The following CABLES1 variants were observed in gnomAD, a reference collection of about 807,000 sequenced individuals.
CABLES1 encodes Cdk5 and Abl enzyme substrate 1.
In CABLES1, 36 loss-of-function variants were observed where a neutral mutation model predicts 57.8. The ratio of observed to expected loss-of-function variants is 0.62; its 90% CI spans 0.48 to 0.82. CABLES1 has a LOEUF of 0.82. CABLES1 is among the 40% of genes least tolerant of loss of function. CABLES1 has a pLI of 0.00. For missense variants in CABLES1, 767 were observed against 836.6 expected (o/e 0.92, Z 1.03); for synonymous variants, 374 against 363.0 (o/e 1.03, Z -0.35).
intron 3 of CABLES1, among the ~76,000 whole-genome samples, chr18:23,203,019 G>A (rs1041494589): frequency 7.2e-5 from 11 of 151,878 alleles, no homozygotes; most frequent in Non-Finnish European, 1.6e-4. Context: ...ACACTCAGTG[G>A]CTTTTGTGAC....
chr18:23,212,030 G>A (rs1281076307), intron 3 of CABLES1, among the ~76,000 whole-genome samples: 1 of 152,246 alleles, frequency 6.6e-6, no homozygotes, highest in Non-Finnish European at 1.5e-5. Flanking sequence ...CTGATGAGCA[G>A]CATCTCCCTT....
chr18:23,161,095 G>GTGCTT, intron 1 of CABLES1, among the ~76,000 whole-genome samples: 1 of 152,062 alleles, frequency 6.6e-6, no homozygotes, highest in Non-Finnish European at 1.5e-5. Context: ...TGTAATCCCA[G>GTGCTT]TGCTTTGGGA....
chr18:23,241,668 T>A (rs1348213518), intron 7 of CABLES1, among the ~76,000 whole-genome samples: 1 of 152,212 alleles, frequency 6.6e-6, no homozygotes, highest in Non-Finnish European at 1.5e-5. Flanking sequence ...CTTTTTAATT[T>A]CTCTTGGGGT....
At position 23,183,674 on chromosome 18, in the gene CABLES1, C is replaced by T. The variant is rs149700259; in HGVS notation, c.846-5164C>T. Reference sequence around the variant, plus strand: ...TCTGATGATGTCAGTGCATATTACTCTTGCTTTGAACCCTGCCAGTCTCTT... The same window carrying T: ...TCTGATGATGTCAGTGCATATTACTTTTGCTTTGAACCCTGCCAGTCTCTT... On this transcript the variant is annotated intron_variant, in intron 1 of 9. Transcript: ENST00000256925. Among the ~76,000 whole-genome samples the T allele has an allele frequency of 2.6e-5, 4 of 152,312 alleles. No individual in the cohort carries two copies. The East Asian group carries it at 5.8e-4, about 22-fold the overall frequency.
At chr18:23,237,713 T>TA (rs1412293060) in intron 7 of CABLES1, among the ~76,000 whole-genome samples, 2 of 152,262 alleles carry the variant, frequency 1.3e-5, no homozygotes, top group African/African-American at 2.4e-5. Flanking sequence ...CTGTGGGTGT[T>TA]ACATGCAAAA....
intron 3 of CABLES1, among the ~76,000 whole-genome samples, chr18:23,200,796 G>A (rs1014100505): frequency 6.6e-6 from 1 of 152,184 alleles, no homozygotes; most frequent in Non-Finnish European, 1.5e-5. Context: ...CCTCACTATC[G>A]CATGTCCCTG....
chr18:23,167,238 T>C lies in CABLES1; in HGVS notation c.846-21600T>C, dbSNP rs184061242. ...AAATTTAAAAAAAAAATGAAAACTT[T>C]CCAGGCTGCTTTGGGAGACTTCCTG... On this transcript the variant is annotated intron_variant, in intron 1 of 9. Coordinates refer to ENST00000256925, the MANE Select transcript of CABLES1 (RefSeq NM_001100619.3). Among the ~76,000 whole-genome samples the C allele has an allele frequency of 3.4e-3, 523 of 152,320 alleles. 1 individual carries two copies. Among genetic ancestry groups the C allele is most frequent in the Admixed American group, 8.6e-3 (131 of 15,294 alleles).
Position 23,135,966 on chromosome 18 carries a change from C to A in CABLES1, c.204C>A (p.Phe68Leu). The A allele has an allele frequency of 8.8e-7, 1 of 1,140,910 alleles. No individual in the cohort carries two copies. Among genetic ancestry groups the A allele is most frequent in the Admixed American group, 4.2e-5 (1 of 23,574 alleles). 70.7% of individuals were successfully genotyped at this position (1,140,910 alleles called of 1,614,324 possible). The change falls in exon 1 of 10, where the codon TTC (phenylalanine) becomes TTA (leucine). Residue 68 changes from phenylalanine to leucine, a missense_variant. Transcript: ENST00000256925. ...GGCGCCGCCAGGCTGCCCTCTCCTT[C>A]CTCACCAACATCTCGCTGGACGGCC... ...DPRRRQAALS[F>L]LTNISLDGRL...
intron 7 of CABLES1, among the ~76,000 whole-genome samples, chr18:23,245,737 TCTC>T (rs1226143325): frequency 2.0e-5 from 3 of 152,188 alleles, no homozygotes; most frequent in Non-Finnish European, 2.9e-5. Context: ...CATCTGACCT[TCTC>T]CTTTCCCTGT....
chr18:23,193,414 A>G (rs1275929761), intron 2 of CABLES1, among the ~76,000 whole-genome samples: 1 of 151,442 alleles, frequency 6.6e-6, no homozygotes, highest in African/African-American at 2.4e-5. Flanking sequence ...CTGGTCTGGA[A>G]CTCCTGACCT....
At chr18:23,192,523 T>C (rs1483672996) in intron 2 of CABLES1, among the ~76,000 whole-genome samples, 2 of 151,958 alleles carry the variant, frequency 1.3e-5, no homozygotes, top group Non-Finnish European at 2.9e-5. Flanking sequence ...GGAGCCAGAG[T>C]CTGCTGAGGT....
In CABLES1 at chr18:23,188,922, T is replaced by C; in HGVS notation, c.917+13T>C. 6.3e-7 allele frequency: 1 copy of C among 1,586,922 alleles called. No homozygotes were observed. The highest frequency in any genetic ancestry group is 1.1e-5 in the South Asian group (1 of 89,834). On this transcript the variant is annotated intron_variant, in intron 2 of 9. Coordinates refer to ENST00000256925, the MANE Select transcript of CABLES1 (RefSeq NM_001100619.3). ...CCCCTCTCCGGAGGTAATTTTCTGTTTCATTTATGTATATGTAAACAGTAC... is the reference window on the plus strand; with the variant it reads ...CCCCTCTCCGGAGGTAATTTTCTGTCTCATTTATGTATATGTAAACAGTAC...
intron 1 of CABLES1, among the ~76,000 whole-genome samples, chr18:23,187,667 G>A (rs947158668): frequency 2.0e-5 from 3 of 152,136 alleles, no homozygotes; most frequent in Non-Finnish European, 2.9e-5. Flanking sequence ...GATTACAGGC[G>A]TGAGCCACCG....
chr18:23,235,612 G>C (rs889441938), intron 5 of CABLES1, among the ~76,000 whole-genome samples: 1 of 152,202 alleles, frequency 6.6e-6, no homozygotes, highest in Non-Finnish European at 1.5e-5. Flanking sequence ...CAGGTCCTGA[G>C]ATAGTACCTT....
chr18:23,137,109 G>T (rs907066720), intron 1 of CABLES1, among the ~76,000 whole-genome samples: 1 of 152,236 alleles, frequency 6.6e-6, no homozygotes, highest in Non-Finnish European at 1.5e-5. Flanking sequence ...TGCGGCCCGG[G>T]GAAACTTGGC....
chr18:23,254,157 C>T (rs2048107258), intron 9 of CABLES1, among the ~76,000 whole-genome samples: 1 of 152,218 alleles, frequency 6.6e-6, no homozygotes, highest in Non-Finnish European at 1.5e-5. Context: ...AGCATTGGGT[C>T]TGGCCCTCAA....
intron 2 of CABLES1, 46 bp downstream of exon 2, chr18:23,188,955 C>T (rs553575172): frequency 2.3e-6 from 3 of 1,331,766 alleles, no homozygotes; most frequent in Non-Finnish European, 3.2e-6. Context: ...TACACCATGA[C>T]AGCCAGAGAT....
chr18:23,223,601 T>G (rs1292141944), intron 4 of CABLES1, among the ~76,000 whole-genome samples: 1 of 146,794 alleles, frequency 6.8e-6, no homozygotes, highest in Non-Finnish European at 1.5e-5. Context: ...AAAAAAAAAG[T>G]TGGCGGGGGG....
intron 1 of CABLES1, among the ~76,000 whole-genome samples, chr18:23,181,399 G>A (rs892465968): frequency 3.3e-5 from 5 of 149,492 alleles, no homozygotes; most frequent in African/African-American, 1.2e-4. Context: ...GGGAGGCTGA[G>A]GCAGGAGAAT....
Sources: allele counts gnomAD v4.1 joint callset (sites outside exome capture counted in the v4.1 genomes callset), GRCh38; gene constraint gnomAD v4.1.1; transcripts MANE v1.5; gene names NCBI Gene and HGNC (gene_info 2026-07-23, HGNC 2026-07-21).